Variants in PDZD2 observed in about 807,000 individuals in gnomAD.
The protein encoded by PDZD2 is PDZ domain-containing protein 2.
Under a neutral mutation model 220.7 loss-of-function variants are expected in PDZD2, and 90 were observed. The observed-to-expected ratio is 0.41, with a 90% CI of 0.34 to 0.49. The LOEUF is 0.49. Ranked by LOEUF, PDZD2 falls within the 20% of genes least tolerant of loss-of-function variation. The probability of loss-of-function intolerance (pLI) is 0.28; values close to 1 mark genes in which losing one functional copy is unlikely to be tolerated. For synonymous variants in PDZD2, 1,375 were observed against 1,450.5 expected, an observed-to-expected ratio of 0.95 and a Z score of 1.18; for missense variants, 3,174 against 3,608.5, an observed-to-expected ratio of 0.88 and a Z score of 3.08.
Position 32,037,243 on chromosome 5 carries a change from G to C in PDZD2, c.1420G>C (p.Asp474His). The stretch of plus-strand genomic sequence containing the variant: ...TTCTGCATTTCAGATGCCTGGGACA[G>C]ATGAACCCCAAGATGTGTGCGGTGC... Reference protein sequence around the residue: ...SSVQRAMPGTDEPQDVCGAEE... With the variant: ...SSVQRAMPGTHEPQDVCGAEE... The change falls in exon 7 of 25, where the codon GAT becomes CAT. Residue 474 changes from aspartate to histidine, a missense_variant. Physicochemically the swap from Asp to His is moderately conservative, Grantham distance 81. Coordinates refer to ENST00000438447, the MANE Select transcript of PDZD2 (RefSeq NM_178140.4). 6.2e-7 allele frequency: 1 copy of C among 1,612,248 alleles called. No individual in the cohort carries two copies. The highest frequency in any genetic ancestry group is 8.5e-7 in the Non-Finnish European group (1 of 1,178,244).
chr5:31,778,639 A>T (rs1238491354), intron 1 of PDZD2, among the ~76,000 whole-genome samples: 1 of 152,176 alleles, frequency 6.6e-6, no homozygotes, highest in Non-Finnish European at 1.5e-5. Context: ...CGAACGTCAG[A>T]AGGAACAAAT....
intron 1 of PDZD2, among the ~76,000 whole-genome samples, chr5:31,650,248 G>A (rs978306630): frequency 2.0e-5 from 3 of 152,102 alleles, no homozygotes; most frequent in Non-Finnish European, 4.4e-5. Context: ...TTCAGGCACT[G>A]TTCCCAGTTA....
In PDZD2 at chr5:31,639,174, C is replaced by G. The variant is rs894459654; in HGVS notation, c.-624C>G. Among the ~76,000 whole-genome samples the G allele has an allele frequency of 6.6e-6, 1 of 152,032 alleles. No homozygotes were observed. Among genetic ancestry groups the G allele is most frequent in the Non-Finnish European group, 1.5e-5 (1 of 67,958 alleles). ...TGCGCAGCGAGGCGAGGAGCGGACCCCAGCGCCGGTGCGTGCCGGCCCCGG... is the reference window on the plus strand; with the variant it reads ...TGCGCAGCGAGGCGAGGAGCGGACCGCAGCGCCGGTGCGTGCCGGCCCCGG... On this transcript the variant is annotated 5_prime_UTR_variant, in exon 1 of 25. Transcript: ENST00000438447. This position sits in a 1 kb window ranked among gnomAD's most constrained non-coding sequence, Gnocchi z 4.1.
intron 4 of PDZD2, among the ~76,000 whole-genome samples, chr5:31,996,330 T>C (rs10472800): frequency 0.1 from 15,312 of 152,294 alleles, 823 homozygotes; most frequent in African/African-American, 0.14. Context: ...GTAATCCCAA[T>C]ACTTTGGGAG....
intron 4 of PDZD2, among the ~76,000 whole-genome samples, chr5:31,998,411 A>G (rs1207383781): frequency 6.6e-6 from 1 of 152,348 alleles, no homozygotes; most frequent in Non-Finnish European, 1.5e-5. Context: ...TTCATAGAAA[A>G]GACAATGGCA....
chr5:31,960,380 G>A (rs1045027665), intron 2 of PDZD2, among the ~76,000 whole-genome samples: 1 of 151,908 alleles, frequency 6.6e-6, no homozygotes, highest in East Asian at 1.9e-4. Flanking sequence ...ACTACACCAC[G>A]CCCGGCTAAT....
chr5:31,683,701 T>G (rs188276837), intron 1 of PDZD2, among the ~76,000 whole-genome samples: 156 of 152,340 alleles, frequency 1.0e-3, no homozygotes, highest in African/African-American at 3.6e-3. Flanking sequence ...TGATAATTTA[T>G]TTAACCAGTC....
chr5:31,670,933 A>G (rs139781327), intron 1 of PDZD2, among the ~76,000 whole-genome samples: 2 of 152,098 alleles, frequency 1.3e-5, no homozygotes, highest in East Asian at 3.9e-4. Context: ...TTGCCCCACC[A>G]AGACCCCTGG....
chr5:31,954,254 T>C (rs768232620), intron 2 of PDZD2, among the ~76,000 whole-genome samples: 24 of 152,252 alleles, frequency 1.6e-4, no homozygotes, highest in Non-Finnish European at 2.9e-4. Context: ...ACAAATTGCA[T>C]GATTGCATGA....
chr5:31,723,054 G>A (rs944550559), intron 1 of PDZD2, among the ~76,000 whole-genome samples: 30 of 152,172 alleles, frequency 2.0e-4, no homozygotes, highest in African/African-American at 5.5e-4. Context: ...CTAAAGAAAC[G>A]TGCATATAAA....
intron 19 of PDZD2, among the ~76,000 whole-genome samples, chr5:32,084,771 AG>A (rs1742276481): frequency 6.6e-6 from 1 of 151,812 alleles, no homozygotes; most frequent in Non-Finnish European, 1.5e-5. Flanking sequence ...TGTGTGTCTG[AG>A]GTGGAAGATT....
intron 2 of PDZD2, among the ~76,000 whole-genome samples, chr5:31,904,033 C>CTT (rs1289381668): frequency 0.021 from 2,880 of 135,978 alleles, 88 homozygotes; most frequent in African/African-American, 0.073. Context: ...CACCCAGCCA[C>CTT]TTTTTTTTTT....
At chr5:32,048,790 T>TAG in intron 8 of PDZD2, 106 bp downstream of exon 8, 2 of 1,185,570 alleles carry the variant, frequency 1.7e-6, no homozygotes, top group South Asian at 1.4e-5. Flanking sequence ...AGAAGTGGGA[T>TAG]AGAGAGAGAC....
At chr5:31,978,971 A>G (rs771655480) in intron 2 of PDZD2, among the ~76,000 whole-genome samples, 1 of 152,146 alleles carries the variant, frequency 6.6e-6, no homozygotes, top group Non-Finnish European at 1.5e-5. Context: ...TCATTTTGCC[A>G]AGAATGGACC....
intron 1 of PDZD2, among the ~76,000 whole-genome samples, chr5:31,796,183 A>T (rs1384022192): frequency 6.6e-6 from 1 of 152,216 alleles, no homozygotes; most frequent in Non-Finnish European, 1.5e-5. Flanking sequence ...GTTTATTTTC[A>T]TTTAAAGTTT....
At chr5:31,888,653 T>C (rs1389690503) in intron 2 of PDZD2, among the ~76,000 whole-genome samples, 1 of 152,210 alleles carries the variant, frequency 6.6e-6, no homozygotes, top group African/African-American at 2.4e-5. Flanking sequence ...AATGTGTTTT[T>C]CTAACCCTTA....
chr5:32,039,422 G>C (rs1755842050), intron 7 of PDZD2, among the ~76,000 whole-genome samples: 1 of 149,976 alleles, frequency 6.7e-6, no homozygotes, highest in Non-Finnish European at 1.5e-5. Flanking sequence ...TGTTGCCCAG[G>C]CTGGAATGCA....
At chr5:32,067,907 T>C (rs1310816043) in intron 14 of PDZD2, among the ~76,000 whole-genome samples, 1 of 152,204 alleles carries the variant, frequency 6.6e-6, no homozygotes, top group Non-Finnish European at 1.5e-5. Context: ...TAAGCAATAA[T>C]AGTCAATGAT....
At chr5:31,775,814 C>G (rs62350704) in intron 1 of PDZD2, among the ~76,000 whole-genome samples, 4 of 151,990 alleles carry the variant, frequency 2.6e-5, no homozygotes, top group Non-Finnish European at 5.9e-5. Context: ...TGCCAAAGGT[C>G]TCCCACACTG....
Sources: gnomAD v4.1 joint callset for allele counts (sites outside exome capture counted in the v4.1 genomes callset) on GRCh38, gnomAD v4.1.1 for gene constraint, Gnocchi (gnomAD v3.1) non-coding constraint, MANE v1.5 for transcripts, NCBI Gene and HGNC (gene_info 2026-07-23, HGNC 2026-07-21) for gene names.